OXR1: variants seen among roughly 807,000 people sequenced by gnomAD.
OXR1 encodes oxidation resistance 1.
In OXR1, 41 loss-of-function variants were observed where a neutral mutation model predicts 104.6. The ratio of observed to expected loss-of-function variants is 0.39; its 90% CI spans 0.31 to 0.51. OXR1 has a LOEUF of 0.51. Among genes scored for constraint, OXR1 ranks in the 20% least tolerant of loss-of-function variants. OXR1 has a pLI of 0.77. For synonymous variants in OXR1, 348 were observed against 348.4 expected (o/e 1.00, Z 0.01); for missense variants, 955 against 1,031.9 (o/e 0.93, Z 1.02).
chr8:106,308,151 G>A (rs544450512), intron 1 of OXR1, among the ~76,000 whole-genome samples: 13 of 152,222 alleles, frequency 8.5e-5, no homozygotes, highest in Non-Finnish European at 1.3e-4. Flanking sequence ...TTTCAATCAA[G>A]GACAGAGGGC....
intron 2 of OXR1, among the ~76,000 whole-genome samples, chr8:106,435,817 T>C (rs1275662598): frequency 6.6e-6 from 1 of 152,154 alleles, no homozygotes; most frequent in African/African-American, 2.4e-5. Context: ...TAGTAACCAT[T>C]CTTTGTGTGA....
intron 2 of OXR1, among the ~76,000 whole-genome samples, chr8:106,401,192 G>A (rs1437977573): frequency 6.6e-6 from 1 of 152,122 alleles, no homozygotes; most frequent in Admixed American, 6.5e-5. Context: ...ACAACCAGGT[G>A]TACTGCTCAA....
intron 2 of OXR1, among the ~76,000 whole-genome samples, chr8:106,452,888 T>C (rs552839109): frequency 6.6e-6 from 1 of 152,132 alleles, no homozygotes; most frequent in South Asian, 2.1e-4. Context: ...TAGGACTAAA[T>C]TGATATCTTT....
chr8:106,706,887 A>G lies in OXR1; in HGVS notation c.1366A>G (p.Asn456Asp). Residue 456 changes from asparagine (N) to aspartate (D), a missense_variant, in exon 9 of 17, where the codon AAT becomes GAT. Around this residue, in one of 2 missense-constraint regions of OXR1, gnomAD observed 849 missense variants for 852.9 expected, o/e 1.00. Coordinates refer to ENST00000517566, the MANE Select transcript of OXR1 (RefSeq NM_001198533.2). ...NSDQDSFLHE[N>D]SLHQEESQKE... ...AGACCAGGATTCTTTTCTTCATGAG[A>G]ATTCGTTACACCAAGAAGAGAGTCA... The G allele has an allele frequency of 5.0e-6, 8 of 1,611,690 alleles. No homozygotes were observed. Among genetic ancestry groups the G allele is most frequent in the Non-Finnish European group, 6.8e-6 (8 of 1,179,566 alleles).
intron 2 of OXR1, among the ~76,000 whole-genome samples, chr8:106,368,456 T>C (rs1171620131): frequency 6.6e-6 from 1 of 152,138 alleles, no homozygotes; most frequent in African/African-American, 2.4e-5. Flanking sequence ...AAAAATGGGA[T>C]ATATGTGCAC....
intron 1 of OXR1, among the ~76,000 whole-genome samples, chr8:106,330,270 G>A (rs1814655372): frequency 6.6e-6 from 1 of 152,162 alleles, no homozygotes; most frequent in Non-Finnish European, 1.5e-5. Flanking sequence ...AAATTGAATT[G>A]ACTTCTTTGT....
At chr8:106,698,550 T>C (rs1830290562) in intron 7 of OXR1, among the ~76,000 whole-genome samples, 1 of 152,154 alleles carries the variant, frequency 6.6e-6, no homozygotes, top group Non-Finnish European at 1.5e-5. Flanking sequence ...TAACATTGGG[T>C]CTCACAGCTC....
At chr8:106,449,176 G>T (rs780567916) in intron 2 of OXR1, among the ~76,000 whole-genome samples, 2 of 152,048 alleles carry the variant, frequency 1.3e-5, no homozygotes, top group Non-Finnish European at 2.9e-5. Flanking sequence ...AAATTGCCTT[G>T]TTAAGAATTA....
At chr8:106,424,185 C>A (rs1220128634) in intron 2 of OXR1, among the ~76,000 whole-genome samples, 1 of 152,036 alleles carries the variant, frequency 6.6e-6, no homozygotes, top group African/African-American at 2.4e-5. Context: ...TGATCCACCC[C>A]CCTCAGCCTC....
At chr8:106,495,688 G>T (rs534897870) in intron 2 of OXR1, among the ~76,000 whole-genome samples, 1 of 152,102 alleles carries the variant, frequency 6.6e-6, no homozygotes, top group African/African-American at 2.4e-5. Context: ...CAAAGAATTC[G>T]GTCTGAGTGA....
At chr8:106,467,519 C>T (rs956630966) in intron 2 of OXR1, among the ~76,000 whole-genome samples, 1 of 151,824 alleles carries the variant, frequency 6.6e-6, no homozygotes, top group Non-Finnish European at 1.5e-5. Context: ...CTCCATATCT[C>T]ACAGGGATGA....
intron 2 of OXR1, among the ~76,000 whole-genome samples, chr8:106,458,721 G>C (rs1820744912): frequency 6.6e-6 from 1 of 152,098 alleles, no homozygotes; most frequent in Non-Finnish European, 1.5e-5. Flanking sequence ...GAGGCCTTAG[G>C]AGCCCAATGC....
intron 2 of OXR1, among the ~76,000 whole-genome samples, chr8:106,418,005 T>C (rs577262157): frequency 1.3e-5 from 2 of 152,198 alleles, no homozygotes; most frequent in Non-Finnish European, 2.9e-5. Context: ...AGTCTCAGAC[T>C]TCTCTCAGGG....
intron 1 of OXR1, among the ~76,000 whole-genome samples, chr8:106,344,632 C>T (rs1043790804): frequency 6.6e-6 from 1 of 152,130 alleles, no homozygotes; most frequent in African/African-American, 2.4e-5. Context: ...CCACTGCGCC[C>T]GGCCAATTTT....
intron 3 of OXR1, among the ~76,000 whole-genome samples, chr8:106,669,945 A>G (rs1826763150): frequency 6.6e-6 from 1 of 152,190 alleles, no homozygotes; most frequent in Admixed American, 6.5e-5. Context: ...CAAAGCAAAC[A>G]TTTTATTAAG....
chr8:106,283,500 T>G (rs1460103493), intron 1 of OXR1, among the ~76,000 whole-genome samples: 4 of 152,202 alleles, frequency 2.6e-5, no homozygotes, highest in African/African-American at 9.7e-5. Context: ...TGGGTATGAC[T>G]TAAATGAACA....
chr8:106,736,173 C>G (rs909642400), intron 11 of OXR1, among the ~76,000 whole-genome samples: 6 of 140,394 alleles, frequency 4.3e-5, no homozygotes, highest in Non-Finnish European at 6.2e-5. Flanking sequence ...ACACCCCCCC[C>G]CATCCGCCCC....
chr8:106,658,727 A>G (rs1825435731), intron 3 of OXR1, among the ~76,000 whole-genome samples: 1 of 151,534 alleles, frequency 6.6e-6, no homozygotes, highest in African/African-American at 2.4e-5. Flanking sequence ...TACTTTTTGA[A>G]CGGCTGCACG....
At chr8:106,524,861 A>G (rs1052578445) in intron 3 of OXR1, among the ~76,000 whole-genome samples, 4 of 152,136 alleles carry the variant, frequency 2.6e-5, no homozygotes, top group Admixed American at 2.0e-4. Context: ...GAAATCTCAG[A>G]TTGTATAGAT....
Sources: gnomAD v4.1 joint callset for allele counts (sites outside exome capture counted in the v4.1 genomes callset) on GRCh38, gnomAD v4.1.1 for gene constraint, gnomAD v4.1.1 regional missense constraint, MANE v1.5 for transcripts, NCBI Gene and HGNC (gene_info 2026-07-23, HGNC 2026-07-21) for gene names.